PRIM2: variants seen among roughly 807,000 people sequenced by gnomAD.
The protein encoded by PRIM2 is DNA primase subunit 2, also known as DNA primase large subunit.
PRIM2 carries 39 observed loss-of-function variants against 67.3 expected under a neutral mutation model. That is an observed-to-expected ratio of 0.58 (90% CI 0.45 to 0.76). The LOEUF is 0.76. Ranked by LOEUF, PRIM2 falls within the 30% of genes least tolerant of loss-of-function variation. The pLI is 0.00. For missense variants in PRIM2, 398 were observed against 598.7 expected (o/e 0.66, Z 3.50); for synonymous variants, 143 against 198.7 (o/e 0.72, Z 2.36).
chr6:57,429,406 T>C (rs1342680346), intron 7 of PRIM2, among the ~76,000 whole-genome samples: 3 of 152,114 alleles, frequency 2.0e-5, no homozygotes, highest in African/African-American at 7.2e-5. Flanking sequence ...AACGGACTTA[T>C]TAGCAGGATT....
chr6:57,248,131 C>T, the PRIM2 span, among the ~76,000 whole-genome samples: 2 of 152,142 alleles, frequency 1.3e-5, no homozygotes, highest in African/African-American at 2.4e-5. Flanking sequence ...AGTGTATTTA[C>T]ATGTGACTTT....
chr6:57,287,446 C>A, the PRIM2 span, among the ~76,000 whole-genome samples: 577 of 152,280 alleles, frequency 3.8e-3, 3 homozygotes, highest in African/African-American at 0.013. Flanking sequence ...AGAATGAGTT[C>A]ATGTCCTTTG....
chr6:57,596,124 T>C (rs1482171215), intron 10 of PRIM2, among the ~76,000 whole-genome samples: 9 of 152,216 alleles, frequency 5.9e-5, no homozygotes, highest in Non-Finnish European at 1.0e-4. Context: ...TCCCTCTTGC[T>C]CAGGAAATTA....
Position 57,444,603 on chromosome 6 carries a change from A to G in PRIM2, c.693+62435A>G, listed in dbSNP as rs1256331602. Among the ~76,000 whole-genome samples the G allele has an allele frequency of 3.3e-5, 5 of 150,962 alleles. No homozygotes were observed. In the South Asian group the frequency reaches 8.3e-4, roughly 25 times the overall value. The stretch of plus-strand genomic sequence containing the variant: ...AAAAAATTATGGTATTATAATGTCT[A>G]TGTTAAATTTGTTTCGTTACTTGTA... On this transcript the variant is annotated intron_variant, in intron 7 of 13. Coordinates refer to ENST00000615550, the MANE Select transcript of PRIM2 (RefSeq NM_000947.5).
At chr6:57,598,044 GC>G (rs1360967299) in intron 10 of PRIM2, among the ~76,000 whole-genome samples, 36 of 152,192 alleles carry the variant, frequency 2.4e-4, no homozygotes, top group Middle Eastern at 3.4e-3. Context: ...GCTCTTTATA[GC>G]CATTTCACTC....
At chr6:57,390,837 C>T (rs1770318133) in intron 7 of PRIM2, among the ~76,000 whole-genome samples, 1 of 152,134 alleles carries the variant, frequency 6.6e-6, no homozygotes, top group African/African-American at 2.4e-5. Flanking sequence ...AATGGTGCTG[C>T]AATGAACATT....
intron 7 of PRIM2, among the ~76,000 whole-genome samples, chr6:57,431,542 G>T (rs1262862454): frequency 4.6e-5 from 7 of 151,956 alleles, no homozygotes; most frequent in Admixed American, 2.6e-4. Context: ...CAGCTACTTG[G>T]GGGGCTCAGG....
intron 7 of PRIM2, among the ~76,000 whole-genome samples, chr6:57,451,516 T>G (rs1772549749): frequency 6.6e-6 from 1 of 152,194 alleles, no homozygotes; most frequent in African/African-American, 2.4e-5. Flanking sequence ...AAAATTTTTC[T>G]GAAGAATTGA....
chr6:57,235,424 A>T, the PRIM2 span, among the ~76,000 whole-genome samples: 1 of 151,762 alleles, frequency 6.6e-6, no homozygotes, highest in Admixed American at 6.6e-5. Context: ...AGATCGCGCC[A>T]CTGCGCTCCA....
the PRIM2 span, among the ~76,000 whole-genome samples, chr6:57,270,673 G>A: frequency 6.6e-6 from 1 of 152,104 alleles, no homozygotes; most frequent in Non-Finnish European, 1.5e-5. Context: ...TGTTGAATAG[G>A]AGTGGTGAGA....
chr6:57,454,663 ATTC>A (rs1253099802), intron 7 of PRIM2, among the ~76,000 whole-genome samples: 3 of 151,224 alleles, frequency 2.0e-5, no homozygotes, highest in Admixed American at 1.3e-4. Flanking sequence ...CATCTATTTG[ATTC>A]TTCTCTCTTT....
At chr6:57,613,372 G>A (rs1776699400) in intron 12 of PRIM2, among the ~76,000 whole-genome samples, 1 of 151,432 alleles carries the variant, frequency 6.6e-6, no homozygotes, top group African/African-American at 2.4e-5. Context: ...TTTTTCCTTG[G>A]ATACATTACT....
intron 5 of PRIM2, among the ~76,000 whole-genome samples, chr6:57,351,836 T>G (rs1288140517): frequency 6.6e-6 from 1 of 152,030 alleles, no homozygotes; most frequent in Non-Finnish European, 1.5e-5. Context: ...AAACAAAGCT[T>G]GCTAAGGGAG....
At chr6:57,267,326 A>T in the PRIM2 span, among the ~76,000 whole-genome samples, 1 of 152,140 alleles carries the variant, frequency 6.6e-6, no homozygotes, top group Admixed American at 6.5e-5. Context: ...TTGGGAGGTG[A>T]TCCCAGGAGG....
intron 12 of PRIM2, among the ~76,000 whole-genome samples, chr6:57,611,984 C>T (rs1776675108): frequency 1.3e-5 from 2 of 151,930 alleles, no homozygotes; most frequent in Admixed American, 6.6e-5. Flanking sequence ...AATATAAGCA[C>T]ATGAAAAAAT....
chr6:57,630,883 G>A (rs1777027772), intron 12 of PRIM2, among the ~76,000 whole-genome samples: 1 of 152,146 alleles, frequency 6.6e-6, no homozygotes, highest in African/African-American at 2.4e-5. Context: ...AATGAAGAAA[G>A]TCTCATTTTA....
At chr6:57,340,176 G>T (rs1025385482) in intron 5 of PRIM2, among the ~76,000 whole-genome samples, 1 of 152,212 alleles carries the variant, frequency 6.6e-6, no homozygotes, top group Non-Finnish European at 1.5e-5. Flanking sequence ...ACACCAGTTA[G>T]AATGGCAGTC....
chr6:57,510,665 G>A (rs1554347634), intron 8 of PRIM2, among the ~76,000 whole-genome samples: 7 of 149,196 alleles, frequency 4.7e-5, no homozygotes, highest in East Asian at 3.9e-4. Context: ...TAAACAAAAC[G>A]GTTTCTCATT....
intron 13 of PRIM2, among the ~76,000 whole-genome samples, chr6:57,639,109 C>T (rs1777179150): frequency 6.6e-6 from 1 of 152,186 alleles, no homozygotes; most frequent in Non-Finnish European, 1.5e-5. Context: ...TCACTCAAAA[C>T]TGCACAACTA....
Sources: gnomAD v4.1 joint callset for allele counts (sites outside exome capture counted in the v4.1 genomes callset) on GRCh38, gnomAD v4.1.1 for gene constraint, MANE v1.5 for transcripts, NCBI Gene and HGNC (gene_info 2026-07-23, HGNC 2026-07-21) for gene names.